IAH1: variants seen among roughly 807,000 people sequenced by gnomAD.
IAH1 encodes isoamyl acetate-hydrolyzing esterase 1 homolog.
IAH1 carries 24 observed loss-of-function variants against 26.7 expected under a neutral mutation model. The ratio of observed to expected loss-of-function variants is 0.90; its 90% confidence interval spans 0.65 to 1.26. The LOEUF (loss-of-function observed/expected upper bound fraction) is 1.26, where lower values mean the gene tolerates loss of function less well. Among genes scored for constraint, IAH1 ranks in the 50% most tolerant of loss-of-function variants. The pLI, the probability that IAH1 is intolerant of heterozygous loss-of-function variation, is 0.00. For missense variants in IAH1, 300 were observed against 299.9 expected (o/e 1.00, Z 0.00); for synonymous variants, 140 against 118.5 (o/e 1.18, Z -1.18).
At chr2:9,489,829 C>CATT (rs1029217567), downstream of IAH1, 2 of 162,120 alleles carry the variant, frequency 1.2e-5, no homozygotes, top group African/African-American at 2.5e-5. Flanking sequence ...AAAAACTGAT[C>CATT]ATTTCCCTAG....
chr2:9,498,006 A>G (rs1662734665), downstream of IAH1, among the ~76,000 whole-genome samples: 1 of 152,136 alleles, frequency 6.6e-6, no homozygotes, highest in Non-Finnish European at 1.5e-5. Context: ...TATACTACAA[A>G]TATTTCTTAA....
chr2:9,492,001 A>G (rs1470675003), downstream of IAH1, among the ~76,000 whole-genome samples: 2 of 152,232 alleles, frequency 1.3e-5, no homozygotes, highest in Non-Finnish European at 2.9e-5. Flanking sequence ...CTTCAGCACA[A>G]GTGCTCCCTA....
At chr2:9,491,865 C>T (rs1273114451), downstream of IAH1, among the ~76,000 whole-genome samples, 2 of 152,236 alleles carry the variant, frequency 1.3e-5, no homozygotes, top group African/African-American at 4.8e-5. Flanking sequence ...AGGGTCGTGC[C>T]TTGTCCACAT....
chr2:9,486,341 A>G (rs1181060723), intron 5 of IAH1: 1 of 152,194 alleles, frequency 6.6e-6, no homozygotes, highest in African/African-American at 2.4e-5. Flanking sequence ...GTCGACATCT[A>G]GAGTTCTGTT....
chr2:9,481,851 A>G (rs1381533487), intron 4 of IAH1, among the ~76,000 whole-genome samples: 1 of 151,936 alleles, frequency 6.6e-6, no homozygotes, highest in Non-Finnish European at 1.5e-5. Context: ...GGGGGTAGGA[A>G]TGATCAGATA....
chr2:9,508,073 C>T, the IAH1 span, among the ~76,000 whole-genome samples: 1 of 152,188 alleles, frequency 6.6e-6, no homozygotes, highest in Non-Finnish European at 1.5e-5. Context: ...GAGTCAGCAG[C>T]ATGCATGTCC....
chr2:9,504,325 G>A, the IAH1 span, among the ~76,000 whole-genome samples: 1 of 151,776 alleles, frequency 6.6e-6, no homozygotes, highest in Non-Finnish European at 1.5e-5. Context: ...CGTACCTGTA[G>A]TCCCAGTTAT....
intron 1 of IAH1, chr2:9,475,034 G>C: frequency 8.8e-7 from 1 of 1,138,084 alleles, no homozygotes; most frequent in Non-Finnish European, 1.1e-6. Flanking sequence ...GTCCCAGGAG[G>C]CCCCGCGGCC....
intron 1 of IAH1, 32 bp from the exon 2 acceptor site, chr2:9,475,955 T>G (rs1234816469): frequency 1.9e-6 from 3 of 1,597,844 alleles, no homozygotes; most frequent in African/African-American, 2.7e-5. Context: ...GTTACAGTCA[T>G]TAGTAGTAAT....
At chr2:9,501,843 A>G in the IAH1 span, among the ~76,000 whole-genome samples, 1 of 152,164 alleles carries the variant, frequency 6.6e-6, no homozygotes, top group East Asian at 1.9e-4. Context: ...TTAAGGTAGA[A>G]TATCATTTTG....
intron 2 of IAH1, among the ~76,000 whole-genome samples, chr2:9,477,413 A>G (rs1660872383): frequency 6.6e-6 from 1 of 152,200 alleles, no homozygotes; most frequent in Non-Finnish European, 1.5e-5. Context: ...AGAAGCAAAG[A>G]GTGAAATGAG....
chr2:9,479,615 T>TA (rs373301815), intron 3 of IAH1, among the ~76,000 whole-genome samples: 10 of 152,232 alleles, frequency 6.6e-5, no homozygotes, highest in African/African-American at 1.4e-4. Context: ...CAGTAATACT[T>TA]ACAGCTGACA....
At chr2:9,494,847 A>G (rs758880988) in exon 6 of IAH1, 8 of 1,545,056 alleles carry the variant, frequency 5.2e-6, no homozygotes, top group South Asian at 4.7e-5. Flanking sequence ...CTCCCTGACC[A>G]TGCTCCCAAA....
chr2:9,508,491 T>A, the IAH1 span, among the ~76,000 whole-genome samples: 11 of 152,384 alleles, frequency 7.2e-5, no homozygotes, highest in South Asian at 1.7e-3. Context: ...TGATTTCTAA[T>A]AACTTTACCA....
downstream of IAH1, chr2:9,493,080 A>G: frequency 9.6e-7 from 1 of 1,040,540 alleles, no homozygotes; most frequent in South Asian, 1.6e-5. Flanking sequence ...GTCAAATGCC[A>G]GAGCTGCTGG....
chr2:9,483,854 C>G (rs1484858388), intron 4 of IAH1, among the ~76,000 whole-genome samples: 1 of 152,228 alleles, frequency 6.6e-6, no homozygotes, highest in African/African-American at 2.4e-5. Context: ...ACTAGGTAGG[C>G]ACTGTCATCA....
At chr2:9,510,651 G>A in the IAH1 span, among the ~76,000 whole-genome samples, 26 of 146,750 alleles carry the variant, frequency 1.8e-4, no homozygotes, top group Non-Finnish European at 3.1e-4. Context: ...GAGACAGGGC[G>A]AGACTTCGTC....
chr2:9,499,990 A>C (rs1662903856), downstream of IAH1, among the ~76,000 whole-genome samples: 1 of 152,220 alleles, frequency 6.6e-6, no homozygotes, highest in African/African-American at 2.4e-5. Context: ...ATTTTGGAAA[A>C]CAGTCTGACA....
chr2:9,474,544 G>GCCCCT, upstream of IAH1: 1 of 971,214 alleles, frequency 1.0e-6, no homozygotes. This position sits in a 1 kb window ranked among gnomAD's most constrained non-coding sequence, Gnocchi z 4.3. Flanking sequence ...TGGCGGCCCC[G>GCCCCT]CCCCGCCCCG....
Sources: gnomAD v4.1 joint callset for allele counts (sites outside exome capture counted in the v4.1 genomes callset) on GRCh38, gnomAD v4.1.1 for gene constraint, Gnocchi (gnomAD v3.1) non-coding constraint, MANE v1.5 for transcripts, NCBI Gene and HGNC (gene_info 2026-07-23, HGNC 2026-07-21) for gene names.